The following ACBD6 variants were observed in gnomAD, a reference collection of about 807,000 sequenced individuals.
ACBD6 encodes acyl-CoA binding domain containing 6, also known as acyl-CoA-binding domain-containing protein 6.
A neutral mutation model predicts 37.2 loss-of-function variants in ACBD6; 28 were observed. The observed-to-expected ratio is 0.75, with a 90% CI of 0.56 to 1.03. The LOEUF is 1.03. ACBD6 is among the 50% of genes least tolerant of loss of function. ACBD6 has a pLI of 0.00. For synonymous variants in ACBD6, 113 were observed against 126.8 expected (o/e 0.89, Z 0.73); for missense variants, 340 against 337.4 (o/e 1.01, Z -0.06).
intron 3 of ACBD6, among the ~76,000 whole-genome samples, chr1:180,466,601 T>A (rs1411176712): frequency 2.6e-5 from 4 of 152,208 alleles, no homozygotes; most frequent in Non-Finnish European, 5.9e-5. Context: ...TTATATTTTT[T>A]AAATAATTTG....
chr1:180,308,581 T>G (rs1004376056), intron 7 of ACBD6, among the ~76,000 whole-genome samples: 19 of 152,214 alleles, frequency 1.2e-4, no homozygotes, highest in Non-Finnish European at 2.1e-4. Context: ...TTCTTTGTCT[T>G]CTTTTTACCA....
intron 3 of ACBD6, chr1:180,435,989 G>A: frequency 2.1e-6 from 2 of 940,430 alleles, no homozygotes; most frequent in Non-Finnish European, 3.4e-6. Context: ...TTGCAGCATA[G>A]CTACCTTCAG....
chr1:180,427,900 C>G (rs1293947674), intron 4 of ACBD6, among the ~76,000 whole-genome samples: 1 of 134,816 alleles, frequency 7.4e-6, no homozygotes, highest in African/African-American at 3.0e-5. Flanking sequence ...AGCTTGGTGA[C>G]AGAGCAAGAC....
chr1:180,489,725 C>T (rs543628019), intron 3 of ACBD6, among the ~76,000 whole-genome samples: 2 of 151,512 alleles, frequency 1.3e-5, no homozygotes, highest in Admixed American at 6.6e-5. Context: ...GGCACAACCT[C>T]GGCTCACTGC....
At chr1:180,375,411 G>T (rs557903818) in intron 6 of ACBD6, among the ~76,000 whole-genome samples, 5 of 152,104 alleles carry the variant, frequency 3.3e-5, no homozygotes, top group Admixed American at 2.0e-4. Context: ...CTGCAGTCTC[G>T]ATCTCCTGGG....
In ACBD6 at chr1:180,502,279, G is replaced by T; in HGVS notation, c.-13C>A. The stretch of plus-strand genomic sequence containing the variant: ...ATGATGAAGCCATGTCTCCTTGCTC[G>T]CTCCGTCCCTCTGTGTCCGGTCTGT... On this transcript the variant is annotated 5_prime_UTR_variant, in exon 1 of 8. Coordinates refer to ENST00000367595, the MANE Select transcript of ACBD6 (RefSeq NM_032360.4). 6.2e-7 allele frequency: 1 copy of T among 1,611,852 alleles called. No individual in the cohort carries two copies. Among genetic ancestry groups the T allele is most frequent in the Non-Finnish European group, 8.5e-7 (1 of 1,179,762 alleles).
chr1:180,381,970 G>A (rs1396066751), intron 6 of ACBD6, among the ~76,000 whole-genome samples: 4 of 151,954 alleles, frequency 2.6e-5, no homozygotes, highest in Non-Finnish European at 2.9e-5. Flanking sequence ...TTAGCTGGGC[G>A]TGGTGGTGCA....
At chr1:180,346,839 A>G (rs1377386013) in intron 6 of ACBD6, among the ~76,000 whole-genome samples, 1 of 152,104 alleles carries the variant, frequency 6.6e-6, no homozygotes, top group Admixed American at 6.6e-5. Flanking sequence ...GCAACATGGC[A>G]AGACCCCATC....
At position 180,482,688 on chromosome 1, in the gene ACBD6, G is replaced by A. The variant is rs572909862; in HGVS notation, c.384+9581C>T. The stretch of plus-strand genomic sequence containing the variant: ...AACGGAGGAAGAGGACAAAAGAGAA[G>A]TGGAATTGCAGAAACTAAGTTAACC... On this transcript the variant is annotated intron_variant, in intron 3 of 7. Transcript: ENST00000367595. 2.6e-5 allele frequency among the ~76,000 whole-genome samples: 4 copies of A among 152,220 alleles called. No homozygotes were observed. In the South Asian group the frequency reaches 8.3e-4, roughly 32 times the overall value.
chr1:180,471,787 C>G (rs1650579648), intron 3 of ACBD6, among the ~76,000 whole-genome samples: 1 of 151,992 alleles, frequency 6.6e-6, no homozygotes, highest in Admixed American at 6.6e-5. Context: ...CACAGCCACA[C>G]CATATCAAGA....
intron 10 of ACBD6, chr1:180,274,208 G>A (rs368040014): frequency 4.8e-5 from 77 of 1,614,028 alleles, no homozygotes; most frequent in Non-Finnish European, 6.4e-5. Flanking sequence ...CTCAGAACTT[G>A]GCCACACCAA....
At chr1:180,471,679 G>A (rs746576633) in intron 3 of ACBD6, among the ~76,000 whole-genome samples, 5 of 152,042 alleles carry the variant, frequency 3.3e-5, no homozygotes, top group Non-Finnish European at 7.4e-5. Context: ...TAGCATGGGA[G>A]AGACCAGCCC....
At chr1:180,500,560 G>A (rs547226438) in intron 1 of ACBD6, among the ~76,000 whole-genome samples, 9 of 151,830 alleles carry the variant, frequency 5.9e-5, no homozygotes, top group East Asian at 1.9e-4. Context: ...TGGGCATGGC[G>A]GCAGGCACCT....
chr1:180,389,031 T>G (rs1653961805), intron 6 of ACBD6, among the ~76,000 whole-genome samples: 2 of 152,292 alleles, frequency 1.3e-5, no homozygotes, highest in African/African-American at 4.8e-5. Flanking sequence ...TACTTTAAGT[T>G]TTAGGGTACA....
chr1:180,473,344 G>T (rs1391268049), intron 3 of ACBD6, among the ~76,000 whole-genome samples: 1 of 150,750 alleles, frequency 6.6e-6, no homozygotes. Context: ...CTACTTGGGA[G>T]GCTGAGGCAG....
chr1:180,355,481 A>C (rs1346795472), intron 6 of ACBD6, among the ~76,000 whole-genome samples: 1 of 152,228 alleles, frequency 6.6e-6, no homozygotes, highest in African/African-American at 2.4e-5. Flanking sequence ...AGGATGTCAT[A>C]ATAGCTCACT....
At chr1:180,364,541 G>A (rs1350435501) in intron 6 of ACBD6, among the ~76,000 whole-genome samples, 1 of 152,122 alleles carries the variant, frequency 6.6e-6, no homozygotes, top group African/African-American at 2.4e-5. Context: ...TGAGTTATAG[G>A]TAAGCAGACA....
chr1:180,276,168 C>G (rs926020706), intron 9 of ACBD6: 13 of 152,244 alleles, frequency 8.5e-5, no homozygotes, highest in African/African-American at 3.1e-4. Context: ...CATTGCCTAT[C>G]ACATGAAGTG....
At chr1:180,292,781 G>A (rs1649764982) in intron 7 of ACBD6, among the ~76,000 whole-genome samples, 1 of 152,136 alleles carries the variant, frequency 6.6e-6, no homozygotes, top group Non-Finnish European at 1.5e-5. Context: ...AAAGTGGAGA[G>A]AGTGGATATC....
Sources: allele counts gnomAD v4.1 joint callset (sites outside exome capture counted in the v4.1 genomes callset), GRCh38; gene constraint gnomAD v4.1.1; transcripts MANE v1.5; gene names NCBI Gene and HGNC (gene_info 2026-07-23, HGNC 2026-07-21).